CASTOR2: variants seen among roughly 807,000 people sequenced by gnomAD.
CASTOR2 encodes cytosolic arginine sensor for mTORC1 subunit 2.
In CASTOR2, 8 loss-of-function variants were observed where a neutral mutation model predicts 31.2. That is an observed-to-expected ratio of 0.26 (90% confidence interval 0.15 to 0.46). CASTOR2 has a LOEUF of 0.46. CASTOR2 is among the 20% of genes least tolerant of loss of function. The pLI is 0.99. For synonymous variants in CASTOR2, 162 were observed against 158.7 expected (o/e 1.02, Z -0.16); for missense variants, 216 against 382.1 (o/e 0.57, Z 3.62).
intron 2 of CASTOR2, among the ~76,000 whole-genome samples, chr7:75,009,360 C>T (rs1246469278): frequency 6.7e-5 from 10 of 148,570 alleles, no homozygotes; most frequent in Admixed American, 4.8e-4. Context: ...CTCCGCCTCC[C>T]AGGTTCACAC....
At chr7:74,972,676 T>TTTTG (rs1221967333) in intron 1 of CASTOR2, among the ~76,000 whole-genome samples, 11 of 150,748 alleles carry the variant, frequency 7.3e-5, no homozygotes, top group Non-Finnish European at 1.3e-4. Context: ...CTTTTGTTTT[T>TTTTG]TTTGTTTGTT....
chr7:75,017,916 G>A (rs587617521), intron 3 of CASTOR2, 74 bp from the exon 4 acceptor site: 1 of 1,613,828 alleles, frequency 6.2e-7, no homozygotes, highest in East Asian at 2.2e-5. Context: ...GAGTCTCAGG[G>A]TGAGAGGTCG....
intron 1 of CASTOR2, among the ~76,000 whole-genome samples, chr7:74,985,300 T>G (rs1166795349): frequency 2.0e-5 from 3 of 151,972 alleles, no homozygotes; most frequent in Non-Finnish European, 4.4e-5. Flanking sequence ...AGAGTCACTG[T>G]CAGGGGGTTG....
At chr7:75,016,219 G>A (rs1804860337) in intron 2 of CASTOR2, among the ~76,000 whole-genome samples, 2 of 152,198 alleles carry the variant, frequency 1.3e-5, no homozygotes, top group African/African-American at 2.4e-5. Flanking sequence ...GCTCGAGTCT[G>A]CAGCTGTGTG....
intron 1 of CASTOR2, among the ~76,000 whole-genome samples, chr7:74,988,964 C>CTTTTT (rs34618815): frequency 2.2e-5 from 3 of 137,818 alleles, no homozygotes; most frequent in Non-Finnish European, 3.1e-5. Flanking sequence ...GGGAATTTTT[C>CTTTTT]TTTTTTTTTT....
rs1358728969 is a variant in CASTOR2 at position 75,026,790 on chromosome 7, T to A, written c.*2091T>A. Among the ~76,000 whole-genome samples, 1 of 152,136 alleles carries A rather than the reference T, an allele frequency of 6.6e-6. No individual in the cohort carries two copies. The highest frequency in any genetic ancestry group is 1.5e-5 in the Non-Finnish European group (1 of 68,016). ...GAAGCCCTGAGTCCCCTTTCTGACCTTGCAAGGCCTTGATTTTCCTTTCTG... is the reference window on the plus strand; with the variant it reads ...GAAGCCCTGAGTCCCCTTTCTGACCATGCAAGGCCTTGATTTTCCTTTCTG... On this transcript the variant is annotated 3_prime_UTR_variant, in exon 9 of 9. Coordinates refer to ENST00000616305, the MANE Select transcript of CASTOR2 (RefSeq NM_001145064.3).
intron 1 of CASTOR2, among the ~76,000 whole-genome samples, chr7:75,003,714 C>T (rs1804547272): frequency 2.0e-5 from 3 of 151,698 alleles, no homozygotes; most frequent in Admixed American, 2.0e-4. Context: ...TGCGCCACTG[C>T]ACTCAGCCTG....
At chr7:75,001,250 A>G (rs1804487889) in intron 1 of CASTOR2, among the ~76,000 whole-genome samples, 3 of 149,734 alleles carry the variant, frequency 2.0e-5, no homozygotes, top group Non-Finnish European at 4.5e-5. Context: ...GTAATTTTTA[A>G]ATTTTTTTGT....
chr7:74,975,259 G>C (rs1803775293), intron 1 of CASTOR2, among the ~76,000 whole-genome samples: 1 of 151,338 alleles, frequency 6.6e-6, no homozygotes, highest in Admixed American at 6.6e-5. Flanking sequence ...TGAGCACTGC[G>C]CCTGGCCAAC....
At chr7:75,008,238 TCTCCCTGGCTTCTGGAGGGTCCC>T (rs1424400768) in intron 2 of CASTOR2, among the ~76,000 whole-genome samples, 174 bp downstream of exon 2, 2 of 151,856 alleles carry the variant, frequency 1.3e-5, no homozygotes, top group African/African-American at 2.4e-5. Context: ...TATTTCCTTC[TCTCCCTGGCTTCTGGAGGGTCCC>T]CTCCCTGGGT....
At chr7:75,014,199 T>G (rs1415002015) in intron 2 of CASTOR2, among the ~76,000 whole-genome samples, 1 of 151,986 alleles carries the variant, frequency 6.6e-6, no homozygotes, top group African/African-American at 2.4e-5. Flanking sequence ...TCCCCTTGTC[T>G]GTGAACTGGG....
chr7:75,010,604 C>T (rs1346849407), intron 2 of CASTOR2, among the ~76,000 whole-genome samples: 3 of 152,112 alleles, frequency 2.0e-5, no homozygotes, highest in African/African-American at 7.2e-5. Context: ...ACTTTTGAAA[C>T]TGTCTTGCCC....
intron 1 of CASTOR2, among the ~76,000 whole-genome samples, chr7:74,985,746 C>T (rs1804048145): frequency 1.3e-5 from 2 of 152,044 alleles, no homozygotes; most frequent in Admixed American, 6.6e-5. Context: ...CAGAACCTTC[C>T]TTAGGGTGGC....
At chr7:74,980,434 A>AC (rs1272545683) in intron 1 of CASTOR2, among the ~76,000 whole-genome samples, 2 of 78,552 alleles carry the variant, frequency 2.5e-5, no homozygotes, top group African/African-American at 1.5e-4. Flanking sequence ...GCATAGTGAG[A>AC]CCCCATCTCT....
At chr7:74,972,778 C>G (rs1296864096) in intron 1 of CASTOR2, among the ~76,000 whole-genome samples, 1 of 149,364 alleles carries the variant, frequency 6.7e-6, no homozygotes, top group Non-Finnish European at 1.5e-5. Flanking sequence ...CTCCCAGGTT[C>G]AAGCAATTCT....
chr7:75,003,715 A>G (rs1307509454), intron 1 of CASTOR2, among the ~76,000 whole-genome samples: 1 of 151,820 alleles, frequency 6.6e-6, no homozygotes, highest in Non-Finnish European at 1.5e-5. Flanking sequence ...GCGCCACTGC[A>G]CTCAGCCTGG....
intron 1 of CASTOR2, among the ~76,000 whole-genome samples, chr7:74,975,037 C>T (rs1422321863): frequency 1.3e-5 from 2 of 151,142 alleles, no homozygotes; most frequent in Non-Finnish European, 1.5e-5. Context: ...GGCACGATCT[C>T]GGCTCACTGC....
At chr7:74,995,411 AC>A (rs1180781782) in intron 1 of CASTOR2, among the ~76,000 whole-genome samples, 1 of 148,572 alleles carries the variant, frequency 6.7e-6, no homozygotes, top group Non-Finnish European at 1.5e-5. Context: ...CTCACACGTA[AC>A]CCCAGGACTT....
intron 1 of CASTOR2, among the ~76,000 whole-genome samples, chr7:74,970,236 C>T (rs879955478): frequency 2.5e-5 from 3 of 118,108 alleles, no homozygotes; most frequent in Non-Finnish European, 3.8e-5. Flanking sequence ...GACCCTGTCC[C>T]GGGTCTGCTG....
Sources: gnomAD v4.1 joint callset for allele counts (sites outside exome capture counted in the v4.1 genomes callset) on GRCh38, gnomAD v4.1.1 for gene constraint, MANE v1.5 for transcripts, NCBI Gene and HGNC (gene_info 2026-07-23, HGNC 2026-07-21) for gene names.